Variants in ENDOV observed in about 807,000 individuals in gnomAD.
ENDOV encodes endonuclease V, also known as hEndoV.
In ENDOV, 37 loss-of-function variants were observed where a neutral mutation model predicts 39.4. The ratio of observed to expected loss-of-function variants is 0.94; its 90% CI spans 0.72 to 1.23. ENDOV has a LOEUF of 1.23. Ranked by LOEUF, ENDOV falls within the 50% of genes most tolerant of loss-of-function variation. The pLI, the probability that ENDOV is intolerant of heterozygous loss-of-function variation, is 0.00. For missense variants in ENDOV, 441 were observed against 375.7 expected (o/e 1.17, Z -1.44); for synonymous variants, 186 against 163.4 (o/e 1.14, Z -1.05).
intron 2 of ENDOV, 90 bp downstream of exon 2, chr17:80,415,911 C>G: frequency 6.8e-7 from 1 of 1,461,046 alleles, no homozygotes; most frequent in East Asian, 2.6e-5. Context: ...AAGCGTAGAA[C>G]CCGGCTTCTC....
intron 2 of ENDOV, chr17:80,417,179 G>A (rs1051085532): frequency 6.6e-6 from 1 of 152,272 alleles, no homozygotes; most frequent in Non-Finnish European, 1.5e-5. Context: ...TATGACGCTG[G>A]AGGCTCAGCC....
At chr17:80,415,422 C>A in intron 1 of ENDOV, 172 bp downstream of exon 1, 1 of 1,017,028 alleles carries the variant, frequency 9.8e-7, no homozygotes, top group Non-Finnish European at 1.4e-6. Context: ...AATTGTAGTC[C>A]GCGGGGTGGG....
intron 9 of ENDOV, among the ~76,000 whole-genome samples, chr17:80,435,371 C>T (rs1283508443): frequency 2.6e-5 from 4 of 152,200 alleles, no homozygotes; most frequent in African/African-American, 7.2e-5. Context: ...ACCTTTAAGT[C>T]TTTGATCCAT....
rs868865410 is a variant in ENDOV at position 80,427,957 on chromosome 17, A to C, written c.715-639A>C. ...CTTTCCATGAGTCGTGCAGCCCTGA[A>C]GCTAATCTAAGCTCATCTGAGCTGG... On this transcript the variant is annotated intron_variant, in intron 7 of 9. Coordinates refer to ENST00000518137, the MANE Select transcript of ENDOV (RefSeq NM_173627.5). The C allele has an allele frequency of 5.7e-5, 60 of 1,057,068 alleles. No individual in the cohort carries two copies. The African/African-American group carries it at 8.8e-4, about 16-fold the overall frequency. 65.5% of individuals were successfully genotyped at this position (1,057,068 alleles called of 1,614,324 possible). A position where few individuals can be genotyped will look rare whatever the true frequency, so the allele number is the denominator to read the frequency against.
intron 4 of ENDOV, 90 bp from the exon 5 acceptor site, chr17:80,423,430 G>T: frequency 1.6e-6 from 2 of 1,269,726 alleles, no homozygotes; most frequent in Non-Finnish European, 2.2e-6. Flanking sequence ...GCTCACTTAG[G>T]GAAGCTTTTG....
At chr17:80,421,127 G>A (rs2144896997) in intron 2 of ENDOV, among the ~76,000 whole-genome samples, 1 of 152,360 alleles carries the variant, frequency 6.6e-6, no homozygotes, top group Non-Finnish European at 1.5e-5. Flanking sequence ...TGAAGACCAG[G>A]TCCTGGGGGG....
At chr17:80,417,175 G>C (rs1285717244) in intron 2 of ENDOV, 1 of 152,246 alleles carries the variant, frequency 6.6e-6, no homozygotes, top group Non-Finnish European at 1.5e-5. Flanking sequence ...TTAATATGAC[G>C]CTGGAGGCTC....
At chr17:80,431,675 G>A (rs2145134111) in intron 9 of ENDOV, among the ~76,000 whole-genome samples, 1 of 152,352 alleles carries the variant, frequency 6.6e-6, no homozygotes, top group Admixed American at 6.5e-5. Flanking sequence ...CTCAGCCCTG[G>A]GCACTTGGGC....
At chr17:80,417,898 G>A (rs1308744854) in intron 2 of ENDOV, 1 of 152,190 alleles carries the variant, frequency 6.6e-6, no homozygotes, top group Admixed American at 6.5e-5. Context: ...CAACAGCTCC[G>A]GAAGCCTCTT....
At chr17:80,415,448 C>T in intron 1 of ENDOV, 198 bp downstream of exon 1, 1 of 987,618 alleles carries the variant, frequency 1.0e-6, no homozygotes, top group South Asian at 1.7e-5. Context: ...TTCTCGCTTC[C>T]GGCCAGTTTG....
chr17:80,417,243 A>G (rs2081334150), intron 2 of ENDOV: 1 of 152,176 alleles, frequency 6.6e-6, no homozygotes, highest in African/African-American at 2.4e-5. Flanking sequence ...TGAGTCCCTC[A>G]CGTGTTTGCT....
intron 9 of ENDOV, chr17:80,433,294 G>A (rs2083435660): frequency 6.0e-6 from 3 of 499,814 alleles, no homozygotes; most frequent in Admixed American, 2.1e-5. Flanking sequence ...GTGTGTAAGG[G>A]CTCAGCAGGG....
chr17:80,432,572 G>A (rs1030464740), intron 9 of ENDOV, among the ~76,000 whole-genome samples: 2 of 152,120 alleles, frequency 1.3e-5, no homozygotes, highest in African/African-American at 2.4e-5. Flanking sequence ...CAGAGGTCCC[G>A]TGTCATTGCC....
In ENDOV at chr17:80,422,381, CGCAA is replaced by C. The variant is rs1568223387; in HGVS notation, c.403+137_403+140del. 3,320 of 1,069,350 alleles carry C rather than the reference CGCAA, an allele frequency of 3.1e-3. 79 individuals are homozygous for C. In the African/African-American group the frequency reaches 0.046, roughly 15 times the overall value. The allele number at this position is 1,069,350 out of a possible 1,614,324, so 66.2% of individuals were successfully genotyped here. On this transcript the variant is annotated intron_variant, in intron 4 of 9. Transcript: ENST00000518137. ...CCCCCTCCAATGGCTTCTTTCTCGG[CGCAA>C]CGGGGACGCGCAGTGCGCTCAGCCC...
intron 8 of ENDOV, 145 bp downstream of exon 8, chr17:80,428,805 G>T (rs1185829840): frequency 1.3e-6 from 1 of 777,360 alleles, no homozygotes. Context: ...GGACACAGGA[G>T]AGGTCTTCAA....
At position 80,422,891 on chromosome 17, in the gene ENDOV, G is replaced by A. The variant is rs531652639; in HGVS notation, c.404-629G>A. On this transcript the variant is annotated intron_variant, in intron 4 of 9. Transcript: ENST00000518137. ...ATTTTTTTGTATTTTTAGGAGAGACGGGGTTTCACGTGTTAGCCAGGATGG... is the reference window on the plus strand; with the variant it reads ...ATTTTTTTGTATTTTTAGGAGAGACAGGGTTTCACGTGTTAGCCAGGATGG... Among the ~76,000 whole-genome samples the A allele has an allele frequency of 2.7e-3, 405 of 152,256 alleles. 2 individuals are homozygous for A. The highest frequency in any genetic ancestry group is 6.8e-3 in the Middle Eastern group (2 of 294).
rs1181407116 is a variant in ENDOV at position 80,425,619 on chromosome 17, A to G, written c.713A>G (p.Gln238Arg). The change falls in exon 7 of 10, where the codon CAG (glutamine) becomes CGG (arginine). Residue 238 changes from glutamine (Q) to arginine (R), a missense_variant and splice_region_variant. Transcript: ENST00000518137. ...TTCCGGATCCCAGAGCCCGTGCGCC[A>G]GGTGGGTGTGCTGGGGATGCGGGGA... Reference protein sequence around the residue: ...CRFRIPEPVRQADICSREHIR... With the variant: ...CRFRIPEPVRRADICSREHIR... The G allele has an allele frequency of 1.3e-6, 2 of 1,580,820 alleles. No homozygotes were observed. Among genetic ancestry groups the G allele is most frequent in the East Asian group, 2.3e-5 (1 of 43,702 alleles).
intron 9 of ENDOV, among the ~76,000 whole-genome samples, chr17:80,435,765 C>A (rs1258004085): frequency 3.3e-5 from 5 of 151,714 alleles, no homozygotes; most frequent in Admixed American, 6.6e-5. Flanking sequence ...CAGGCGCCCG[C>A]CACCACGCCC....
At chr17:80,430,714 T>C (rs527470549) in intron 9 of ENDOV, among the ~76,000 whole-genome samples, 1 of 152,166 alleles carries the variant, frequency 6.6e-6, no homozygotes, top group Non-Finnish European at 1.5e-5. Context: ...CCTGAGGGGT[T>C]GGGTGCCAGG....
Sources: gnomAD v4.1 joint callset for allele counts (sites outside exome capture counted in the v4.1 genomes callset) on GRCh38, gnomAD v4.1.1 for gene constraint, MANE v1.5 for transcripts, NCBI Gene and HGNC (gene_info 2026-07-23, HGNC 2026-07-21) for gene names.